GALNT13: variants seen among roughly 807,000 people sequenced by gnomAD.
The protein encoded by GALNT13 is polypeptide N-acetylgalactosaminyltransferase 13.
Under a neutral mutation model 64.2 loss-of-function variants are expected in GALNT13, and 28 were observed. That is an observed-to-expected ratio of 0.44 (90% CI 0.32 to 0.60). The LOEUF (loss-of-function observed/expected upper bound fraction) is 0.60, where lower values mean the gene tolerates loss of function less well. Ranked by LOEUF, GALNT13 falls within the 20% of genes least tolerant of loss-of-function variation. The pLI is 0.05. For synonymous variants in GALNT13, 214 were observed against 224.6 expected (o/e 0.95, Z 0.42); for missense variants, 577 against 669.8 (o/e 0.86, Z 1.53).
the GALNT13 span, among the ~76,000 whole-genome samples, chr2:153,297,452 G>C: frequency 6.6e-6 from 1 of 152,154 alleles, no homozygotes; most frequent in Non-Finnish European, 1.5e-5. Flanking sequence ...GAGTAGTTTT[G>C]AGAGAAAGAA....
the GALNT13 span, among the ~76,000 whole-genome samples, chr2:153,838,027 CT>C: frequency 6.6e-6 from 1 of 151,878 alleles, no homozygotes; most frequent in South Asian, 2.1e-4. Context: ...AGTTGAGCAC[CT>C]TTTCATATAC....
the GALNT13 span, among the ~76,000 whole-genome samples, chr2:153,534,526 CTT>C: frequency 7.9e-5 from 11 of 138,690 alleles, no homozygotes; most frequent in Admixed American, 7.3e-5. Flanking sequence ...TTCTTTCTTT[CTT>C]TTTTTTTTTT....
the GALNT13 span, among the ~76,000 whole-genome samples, chr2:153,503,968 T>A: frequency 6.6e-6 from 1 of 152,150 alleles, no homozygotes; most frequent in South Asian, 2.1e-4. Flanking sequence ...GTAGATTGCT[T>A]TTGGCAGTAT....
the GALNT13 span, among the ~76,000 whole-genome samples, chr2:153,543,489 T>C: frequency 6.6e-6 from 1 of 152,244 alleles, no homozygotes; most frequent in Non-Finnish European, 1.5e-5. Flanking sequence ...ATGTAAATTA[T>C]ATAAATTGAT....
chr2:153,181,367 AG>A, the GALNT13 span, among the ~76,000 whole-genome samples: 1 of 150,002 alleles, frequency 6.7e-6, no homozygotes, highest in Non-Finnish European at 1.5e-5. Flanking sequence ...CAAAAAAAAA[AG>A]GTACTTGATA....
intron 4 of GALNT13, among the ~76,000 whole-genome samples, chr2:154,207,268 T>C (rs938031712): frequency 2.6e-5 from 4 of 152,196 alleles, no homozygotes; most frequent in Non-Finnish European, 4.4e-5. Flanking sequence ...ACACCAATCT[T>C]GTCTTCCTCA....
chr2:153,566,349 T>TTTTTTTG, the GALNT13 span, among the ~76,000 whole-genome samples: 2 of 15,270 alleles, frequency 1.3e-4, no homozygotes, highest in African/African-American at 2.5e-4. Flanking sequence ...TCTAATCACG[T>TTTTTTTG]TTTTTTTTTT....
At chr2:154,204,992 T>C (rs1288941085) in intron 4 of GALNT13, among the ~76,000 whole-genome samples, 2 of 152,184 alleles carry the variant, frequency 1.3e-5, no homozygotes, top group African/African-American at 4.8e-5. Context: ...ATGTCCCATA[T>C]GTGTAAATTG....
chr2:154,025,023 C>T (rs760349847), intron 3 of GALNT13, among the ~76,000 whole-genome samples: 3 of 152,192 alleles, frequency 2.0e-5, no homozygotes, highest in Non-Finnish European at 4.4e-5. Context: ...GGGTGAACCA[C>T]AGATGCTGCT....
At chr2:153,160,545 T>C in the GALNT13 span, among the ~76,000 whole-genome samples, 3 of 152,220 alleles carry the variant, frequency 2.0e-5, no homozygotes. Context: ...TGACTGCTGA[T>C]TGAATGTAGG....
At chr2:154,246,946 TACTG>T (rs1355844411) in intron 7 of GALNT13, among the ~76,000 whole-genome samples, 1 of 152,074 alleles carries the variant, frequency 6.6e-6, no homozygotes, top group Non-Finnish European at 1.5e-5. Flanking sequence ...AGTGAAGACT[TACTG>T]TATGTAAAAT....
intron 11 of GALNT13, among the ~76,000 whole-genome samples, chr2:154,438,251 T>C (rs185985724): frequency 1.8e-4 from 27 of 152,334 alleles, no homozygotes; most frequent in Non-Finnish European, 3.1e-4. Context: ...CTGCCTTCAC[T>C]GAGCTCCATG....
At chr2:154,003,804 G>A (rs1214476156) in intron 3 of GALNT13, among the ~76,000 whole-genome samples, 2 of 152,034 alleles carry the variant, frequency 1.3e-5, no homozygotes, top group African/African-American at 4.8e-5. Context: ...TTAAAAGTGT[G>A]TAGCACCTTC....
the GALNT13 span, among the ~76,000 whole-genome samples, chr2:153,069,342 TG>T: frequency 6.6e-6 from 1 of 152,186 alleles, no homozygotes; most frequent in Non-Finnish European, 1.5e-5. Flanking sequence ...ATTCTTTTTT[TG>T]TAAGGTCCTC....
the GALNT13 span, among the ~76,000 whole-genome samples, chr2:153,799,706 A>G: frequency 6.6e-6 from 1 of 152,112 alleles, no homozygotes; most frequent in Non-Finnish European, 1.5e-5. Flanking sequence ...TGATTCTATG[A>G]CTTAGTTTGG....
intron 2 of GALNT13, among the ~76,000 whole-genome samples, chr2:153,936,455 T>G (rs540592399): frequency 6.6e-6 from 1 of 152,282 alleles, no homozygotes; most frequent in South Asian, 2.1e-4. Context: ...CCAGCAAATA[T>G]GACCCAGTTT....
At chr2:154,446,512 T>C in intron 12 of GALNT13, 1 of 1,465,476 alleles carries the variant, frequency 6.8e-7, no homozygotes, top group Non-Finnish European at 9.1e-7. Flanking sequence ...ATGATTGATT[T>C]ATTACTGTCT....
At chr2:153,634,924 T>G in the GALNT13 span, among the ~76,000 whole-genome samples, 1 of 152,040 alleles carries the variant, frequency 6.6e-6, no homozygotes, top group Non-Finnish European at 1.5e-5. Context: ...TTTCTCTTCC[T>G]GTGGTTCTCT....
chr2:153,993,861 C>T (rs930286776), intron 3 of GALNT13, among the ~76,000 whole-genome samples: 1 of 151,914 alleles, frequency 6.6e-6, no homozygotes, highest in African/African-American at 2.4e-5. Flanking sequence ...GTACTTAGAT[C>T]GTTTTTCTTT....
Sources: allele counts gnomAD v4.1 joint callset (sites outside exome capture counted in the v4.1 genomes callset), GRCh38; gene constraint gnomAD v4.1.1; transcripts MANE v1.5; gene names NCBI Gene and HGNC (gene_info 2026-07-23, HGNC 2026-07-21).